IQSEC3: variants seen among roughly 807,000 people sequenced by gnomAD.
IQSEC3 encodes IQ motif and SEC7 domain-containing protein 3.
Under a neutral mutation model 105.4 loss-of-function variants are expected in IQSEC3, and 50 were observed. The ratio of observed to expected loss-of-function variants is 0.47; its 90% confidence interval spans 0.38 to 0.60. The LOEUF (loss-of-function observed/expected upper bound fraction) is 0.60. IQSEC3 is among the 20% of genes least tolerant of loss of function. IQSEC3 has a pLI of 0.00. For missense variants in IQSEC3, 1,415 were observed against 1,630.0 expected (o/e 0.87, Z 2.27); for synonymous variants, 708 against 746.0 (o/e 0.95, Z 0.83).
At chr12:135,895 T>C (rs1865748169) in intron 3 of IQSEC3, among the ~76,000 whole-genome samples, 1 of 152,224 alleles carries the variant, frequency 6.6e-6, no homozygotes, top group Admixed American at 6.5e-5. Context: ...GGTTTCAGCC[T>C]GGTGAGATCC....
Position 103,173 on chromosome 12 carries a change from C to T in IQSEC3, c.623+3959C>T, listed in dbSNP as rs561567462. ...ATTGCAGCCCTACTTTCGATCCTGC[C>T]GCCTCCCTTCCCTTTCAGGCTCTCA... On this transcript the variant is annotated intron_variant, in intron 2 of 13. Transcript: ENST00000538872. Among the ~76,000 whole-genome samples the T allele has an allele frequency of 3.3e-5, 5 of 151,938 alleles. No homozygotes were observed. In the East Asian group the frequency reaches 8.0e-4, roughly 24 times the overall value.
intron 5 of IQSEC3, among the ~76,000 whole-genome samples, chr12:155,470 C>T (rs887500989): frequency 5.3e-5 from 8 of 152,178 alleles, no homozygotes; most frequent in African/African-American, 1.7e-4. Flanking sequence ...AGCTCCCTCT[C>T]GGCGCCCCCT....
intron 4 of IQSEC3, 38 bp downstream of exon 4, chr12:139,392 G>A (rs1555088433): frequency 7.5e-6 from 11 of 1,467,866 alleles, no homozygotes; most frequent in East Asian, 2.5e-5. Flanking sequence ...AGTCCTGGGC[G>A]TCCTGGGAGG....
At chr12:99,917 C>T (rs1024035018) in intron 2 of IQSEC3, among the ~76,000 whole-genome samples, 1 of 152,154 alleles carries the variant, frequency 6.6e-6, no homozygotes, top group Non-Finnish European at 1.5e-5. Context: ...CTCTTCTGTG[C>T]CCACGTCGTG....
intron 8 of IQSEC3, among the ~76,000 whole-genome samples, chr12:162,739 C>T (rs983960057): frequency 6.6e-5 from 10 of 152,122 alleles, no homozygotes; most frequent in Admixed American, 5.2e-4. Context: ...CAGCATCTGT[C>T]GGGTTGCAAG....
At chr12:105,332 AG>A (rs1864610715) in intron 2 of IQSEC3, among the ~76,000 whole-genome samples, 1 of 152,182 alleles carries the variant, frequency 6.6e-6, no homozygotes, top group African/African-American at 2.4e-5. Flanking sequence ...TGGCAGGGGC[AG>A]GGTGGGGGCG....
At chr12:157,334 G>A (rs2291924) in intron 6 of IQSEC3, among the ~76,000 whole-genome samples, 187 bp downstream of exon 6, 1,867 of 152,222 alleles carry the variant, frequency 0.012, 21 homozygotes, top group Middle Eastern at 0.071. Context: ...CCGACCCCTC[G>A]AGCTCCCCAG....
In IQSEC3 at chr12:176,609, C is replaced by T. The variant is rs1939244343; in HGVS notation, c.*1576C>T. The stretch of plus-strand genomic sequence containing the variant: ...CCTGCTCCCAGAGGTTCCAGATGAC[C>T]TAGTTTCGTTTTGTGTGTGTGTGTG... On this transcript the variant is annotated 3_prime_UTR_variant, in exon 14 of 14. Coordinates refer to ENST00000538872, the MANE Select transcript of IQSEC3 (RefSeq NM_001170738.2). This position sits in a 1 kb window ranked among gnomAD's most constrained non-coding sequence, Gnocchi z 4.0. 6.6e-6 allele frequency: 1 copy of T among 151,856 alleles called. No homozygotes were observed. The highest frequency in any genetic ancestry group is 2.4e-5 in the African/African-American group (1 of 41,060). The allele number at this position is 151,856 out of a possible 1,614,324, so 9.4% of individuals were successfully genotyped here. A position where few individuals can be genotyped will look rare whatever the true frequency, so the allele number is the denominator to read the frequency against.
chr12:159,492 G>T (rs782192996), intron 7 of IQSEC3, among the ~76,000 whole-genome samples: 1 of 152,230 alleles, frequency 6.6e-6, no homozygotes, highest in Non-Finnish European at 1.5e-5. Context: ...CTTTGCCCTT[G>T]GTTGGGAGTT....
chr12:79,261 G>C lies in IQSEC3; in HGVS notation c.554+11825G>C, dbSNP rs1226518614. On this transcript the variant is annotated intron_variant, in intron 1 of 13. Coordinates refer to ENST00000538872, the MANE Select transcript of IQSEC3 (RefSeq NM_001170738.2). ...CGCCTAGCTTTGGATGGTGGCTAGG[G>C]ACCCACTGGCTTTCTCAGCCCCAGC... Among the ~76,000 whole-genome samples, 5 of 152,172 alleles carry C rather than the reference G, an allele frequency of 3.3e-5. No individual in the cohort carries two copies. The South Asian group carries it at 1.0e-3, about 32-fold the overall frequency.
chr12:86,664 C>T (rs925514857), intron 1 of IQSEC3, among the ~76,000 whole-genome samples: 14 of 152,134 alleles, frequency 9.2e-5, no homozygotes, highest in South Asian at 2.1e-4. Context: ...CCCATATCAG[C>T]GCACGGCCTA....
At chr12:88,318 G>A (rs1386125223) in intron 1 of IQSEC3, among the ~76,000 whole-genome samples, 6 of 152,134 alleles carry the variant, frequency 3.9e-5, no homozygotes, top group Non-Finnish European at 8.8e-5. Flanking sequence ...AAAACACTGA[G>A]TTACTGCAAG....
At chr12:157,305 G>T (rs146048385) in intron 6 of IQSEC3, among the ~76,000 whole-genome samples, 158 bp downstream of exon 6, 1 of 152,184 alleles carries the variant, frequency 6.6e-6, no homozygotes, top group Admixed American at 6.5e-5. Context: ...GGAGAAACAA[G>T]GGAAGGGAAG....
At chr12:101,803 G>C (rs2136921802) in intron 2 of IQSEC3, among the ~76,000 whole-genome samples, 1 of 152,182 alleles carries the variant, frequency 6.6e-6, no homozygotes, top group East Asian at 1.9e-4. Flanking sequence ...GTTTGCTCTT[G>C]GCTTCTTGGG....
intron 2 of IQSEC3, among the ~76,000 whole-genome samples, chr12:118,922 G>A (rs1865133687): frequency 6.6e-6 from 1 of 152,260 alleles, no homozygotes; most frequent in Non-Finnish European, 1.5e-5. Flanking sequence ...GGCAGGAGCT[G>A]TGTGAGCACA....
At chr12:120,628 C>T (rs1190115607) in intron 2 of IQSEC3, among the ~76,000 whole-genome samples, 3 of 152,170 alleles carry the variant, frequency 2.0e-5, no homozygotes, top group Non-Finnish European at 4.4e-5. Context: ...GAGTGACCCT[C>T]GGATGTGATG....
At chr12:155,571 C>G (rs1342439464) in intron 5 of IQSEC3, among the ~76,000 whole-genome samples, 19 of 152,322 alleles carry the variant, frequency 1.2e-4, no homozygotes, top group African/African-American at 4.6e-4. Flanking sequence ...CAGGCCCTGA[C>G]CACCTCCACT....
chr12:104,926 G>A (rs1864592558), intron 2 of IQSEC3, among the ~76,000 whole-genome samples: 1 of 152,262 alleles, frequency 6.6e-6, no homozygotes, highest in Admixed American at 6.5e-5. Context: ...ATACAGTTAC[G>A]TCTTCAAACA....
At chr12:159,053 C>A (rs534569158) in intron 7 of IQSEC3, among the ~76,000 whole-genome samples, 3 of 152,346 alleles carry the variant, frequency 2.0e-5, no homozygotes, top group African/African-American at 7.2e-5. Flanking sequence ...CCTGACCCAT[C>A]CCACTCACGT....
Sources: gnomAD v4.1 joint callset for allele counts (sites outside exome capture counted in the v4.1 genomes callset) on GRCh38, gnomAD v4.1.1 for gene constraint, Gnocchi (gnomAD v3.1) non-coding constraint, MANE v1.5 for transcripts, NCBI Gene and HGNC (gene_info 2026-07-23, HGNC 2026-07-21) for gene names.